CTNND2: variants seen among roughly 807,000 people sequenced by gnomAD.
CTNND2 encodes the protein catenin delta-2.
Under a neutral mutation model 144.4 loss-of-function variants are expected in CTNND2, and 22 were observed. The ratio of observed to expected loss-of-function variants is 0.15; its 90% CI spans 0.11 to 0.22. CTNND2 has a LOEUF of 0.22. CTNND2 is among the 10% of genes least tolerant of loss of function. CTNND2 has a pLI of 1.00. For synonymous variants in CTNND2, 751 were observed against 695.6 expected (o/e 1.08, Z -1.25); for missense variants, 1,353 against 1,618.8 (o/e 0.84, Z 2.82).
chr5:11,895,709 ATGACAGAG>A (rs1382532618), intron 1 of CTNND2, among the ~76,000 whole-genome samples: 1 of 152,234 alleles, frequency 6.6e-6, no homozygotes, highest in East Asian at 1.9e-4. Flanking sequence ...CTGTTAAGAC[ATGACAGAG>A]TGACATAATT....
intron 11 of CTNND2, among the ~76,000 whole-genome samples, chr5:11,194,530 T>A (rs1335337301): frequency 1.3e-5 from 2 of 152,080 alleles, no homozygotes; most frequent in African/African-American, 4.8e-5. Flanking sequence ...ACTACAACAG[T>A]TCCCTCCCAC....
intron 16 of CTNND2, among the ~76,000 whole-genome samples, chr5:11,058,692 A>G (rs1232097954): frequency 6.6e-6 from 1 of 152,212 alleles, no homozygotes; most frequent in African/African-American, 2.4e-5. Flanking sequence ...TGGTAGATCC[A>G]ATGACCTCTT....
chr5:11,305,992 G>A (rs1445447499), intron 9 of CTNND2, among the ~76,000 whole-genome samples: 1 of 152,220 alleles, frequency 6.6e-6, no homozygotes, highest in African/African-American at 2.4e-5. Context: ...CATGAGGGTA[G>A]GCACTAGACC....
intron 3 of CTNND2, among the ~76,000 whole-genome samples, chr5:11,448,215 TG>T (rs1317227831): frequency 6.6e-6 from 1 of 152,234 alleles, no homozygotes; most frequent in Non-Finnish European, 1.5e-5. Flanking sequence ...CTAATGAGAA[TG>T]TGTAACTTTG....
At chr5:11,419,843 CTT>C (rs1438383451) in intron 3 of CTNND2, among the ~76,000 whole-genome samples, 1 of 152,112 alleles carries the variant, frequency 6.6e-6, no homozygotes, top group Non-Finnish European at 1.5e-5. Flanking sequence ...CTCTTATTGT[CTT>C]TTTCAATTTT....
chr5:11,854,492 A>G (rs889714820), intron 1 of CTNND2, among the ~76,000 whole-genome samples: 2 of 152,232 alleles, frequency 1.3e-5, no homozygotes, highest in African/African-American at 4.8e-5. Flanking sequence ...ATAAATTAAT[A>G]GTATGTTTGA....
At chr5:11,875,076 T>G (rs959654113) in intron 1 of CTNND2, among the ~76,000 whole-genome samples, 6 of 152,182 alleles carry the variant, frequency 3.9e-5, no homozygotes, top group Admixed American at 2.0e-4. Flanking sequence ...CTACATCCTT[T>G]CACTTAAGTG....
intron 18 of CTNND2, among the ~76,000 whole-genome samples, chr5:11,007,037 A>G (rs1302700140): frequency 1.3e-5 from 2 of 152,230 alleles, no homozygotes; most frequent in African/African-American, 4.8e-5. Flanking sequence ...AAAAATTGCT[A>G]AAACGCATGC....
chr5:11,586,838 A>T (rs1561592865), intron 2 of CTNND2, among the ~76,000 whole-genome samples: 1 of 151,928 alleles, frequency 6.6e-6, no homozygotes, highest in African/African-American at 2.4e-5. Context: ...AATTCTCACA[A>T]TTTTTTTTAT....
chr5:11,414,346 G>A (rs929381449), intron 3 of CTNND2, among the ~76,000 whole-genome samples: 8 of 152,094 alleles, frequency 5.3e-5, no homozygotes, highest in African/African-American at 1.9e-4. Context: ...CCAGGAAACA[G>A]ATACAACAAA....
At chr5:11,205,364 G>A (rs950446542) in intron 10 of CTNND2, among the ~76,000 whole-genome samples, 13 of 152,130 alleles carry the variant, frequency 8.5e-5, no homozygotes, top group East Asian at 1.9e-4. Context: ...AAGGGAATGC[G>A]GTGATTTTTT....
intron 8 of CTNND2, 32 bp from the exon 9 acceptor site, chr5:11,346,659 A>T (rs757411982): frequency 1.4e-6 from 2 of 1,430,494 alleles, no homozygotes; most frequent in South Asian, 3.1e-5. Flanking sequence ...AAAGTAAAAA[A>T]TTGAGGACCT....
chr5:11,255,657 T>C (rs1744159207), intron 9 of CTNND2, among the ~76,000 whole-genome samples: 1 of 152,166 alleles, frequency 6.6e-6, no homozygotes, highest in Admixed American at 6.5e-5. Flanking sequence ...CAGGCACGGT[T>C]ATCATGGAGG....
intron 9 of CTNND2, among the ~76,000 whole-genome samples, chr5:11,260,575 C>A (rs1327819371): frequency 6.6e-6 from 1 of 152,148 alleles, no homozygotes; most frequent in African/African-American, 2.4e-5. Context: ...CTTCTTGCTA[C>A]CTCATCCCAC....
intron 3 of CTNND2, among the ~76,000 whole-genome samples, chr5:11,551,618 G>T (rs1312829721): frequency 8.6e-5 from 13 of 151,114 alleles, no homozygotes; most frequent in Non-Finnish European, 1.9e-4. Context: ...TTTGTTTTGA[G>T]ATGGAGTTTT....
chr5:11,598,382 C>T (rs1169190548), intron 2 of CTNND2, among the ~76,000 whole-genome samples: 1 of 152,116 alleles, frequency 6.6e-6, no homozygotes, highest in African/African-American at 2.4e-5. Flanking sequence ...AGGTAAGTTT[C>T]TAGGTGTGCC....
At chr5:11,611,485 G>A (rs1398643345) in intron 2 of CTNND2, among the ~76,000 whole-genome samples, 1 of 152,140 alleles carries the variant, frequency 6.6e-6, no homozygotes, top group Non-Finnish European at 1.5e-5. Context: ...CAATGACAAA[G>A]GTTTATCTTG....
intron 2 of CTNND2, among the ~76,000 whole-genome samples, chr5:11,667,077 TC>T (rs1464382920): frequency 6.6e-6 from 1 of 152,158 alleles, no homozygotes; most frequent in East Asian, 1.9e-4. Context: ...TTCATCCATA[TC>T]CCTAAAAAGG....
At chr5:10,998,116 CAAA>C (rs1739545648) in intron 18 of CTNND2, among the ~76,000 whole-genome samples, 1 of 152,172 alleles carries the variant, frequency 6.6e-6, no homozygotes, top group South Asian at 2.1e-4. Flanking sequence ...TGGATGCACT[CAAA>C]AAATTTTCAA....
Sources: gnomAD v4.1 joint callset for allele counts (sites outside exome capture counted in the v4.1 genomes callset) on GRCh38, gnomAD v4.1.1 for gene constraint, MANE v1.5 for transcripts, NCBI Gene and HGNC (gene_info 2026-07-23, HGNC 2026-07-21) for gene names.